The following CENPP variants were observed in gnomAD, a reference collection of about 807,000 sequenced individuals.
CENPP encodes centromere protein P.
Under a neutral mutation model 35.6 loss-of-function variants are expected in CENPP, and 24 were observed. The ratio of observed to expected loss-of-function variants is 0.67; its 90% CI spans 0.49 to 0.95. CENPP has a LOEUF of 0.95. Among genes scored for constraint, CENPP ranks in the 40% least tolerant of loss-of-function variants. The pLI is 0.00. For synonymous variants in CENPP, 120 were observed against 125.5 expected, an observed-to-expected ratio of 0.96 and a Z score of 0.29; for missense variants, 332 against 345.3, an observed-to-expected ratio of 0.96 and a Z score of 0.31.
intron 5 of CENPP, among the ~76,000 whole-genome samples, chr9:92,497,739 G>A (rs1846432459): frequency 6.6e-6 from 1 of 151,802 alleles, no homozygotes; most frequent in African/African-American, 2.4e-5. Flanking sequence ...TTGATCCCCA[G>A]TGTTGGAGGT....
chr9:92,587,694 A>C (rs1231662912), intron 5 of CENPP, among the ~76,000 whole-genome samples: 2 of 152,230 alleles, frequency 1.3e-5, no homozygotes, highest in Non-Finnish European at 2.9e-5. Context: ...TGTTGGGGCC[A>C]AGGGAGGCAG....
At chr9:92,450,557 C>T (rs1323824207) in intron 5 of CENPP, among the ~76,000 whole-genome samples, 6 of 152,108 alleles carry the variant, frequency 3.9e-5, no homozygotes, top group South Asian at 4.2e-4. Context: ...AATAAACATA[C>T]GTGTGCATGT....
At chr9:92,535,397 A>G (rs1280147383) in intron 5 of CENPP, among the ~76,000 whole-genome samples, 2 of 152,182 alleles carry the variant, frequency 1.3e-5, no homozygotes, top group Non-Finnish European at 2.9e-5. Flanking sequence ...CAATCATAGT[A>G]TCATTTTTAT....
intron 5 of CENPP, chr9:92,512,100 C>CATT: frequency 6.2e-7 from 1 of 1,613,748 alleles, no homozygotes; most frequent in Non-Finnish European, 8.5e-7. Flanking sequence ...TTAAATGCTT[C>CATT]ATCTGGGATG....
chr9:92,396,836 ATCTTTTATATCTATT>A (rs1842912145), intron 5 of CENPP, among the ~76,000 whole-genome samples: 1 of 152,000 alleles, frequency 6.6e-6, no homozygotes, highest in African/African-American at 2.4e-5. Flanking sequence ...TCCCATAAAC[ATCTTTTATATCTATT>A]TCTTTTATAT....
chr9:92,415,431 G>A, intron 5 of CENPP: 3 of 1,613,060 alleles, frequency 1.9e-6, no homozygotes, highest in Non-Finnish European at 2.5e-6. Context: ...TTAAATGGTG[G>A]TAATGTAGTG....
intron 4 of CENPP, among the ~76,000 whole-genome samples, chr9:92,353,801 G>T (rs996888509): frequency 2.6e-5 from 4 of 152,130 alleles, no homozygotes; most frequent in Non-Finnish European, 5.9e-5. Context: ...TTGGTGAGTG[G>T]TGCCACTTCA....
rs931364890 is a variant in CENPP at position 92,563,314 on chromosome 9, T to C, written c.565-48000T>C. Among the ~76,000 whole-genome samples, 13 of 152,340 alleles carry C rather than the reference T, an allele frequency of 8.5e-5. No individual in the cohort carries two copies. In the South Asian group the frequency reaches 2.7e-3, roughly 32 times the overall value. On this transcript the variant is annotated intron_variant, in intron 5 of 7. Coordinates refer to ENST00000375587, the MANE Select transcript of CENPP (RefSeq NM_001012267.3). ...ACTTACCCTGCTACACCAGGACTCA[T>C]TTCTCTCTGCTTTACGTTATGAATG...
At chr9:92,442,885 C>T (rs746094964) in intron 5 of CENPP, among the ~76,000 whole-genome samples, 31 of 151,628 alleles carry the variant, frequency 2.0e-4, no homozygotes, top group Non-Finnish European at 3.5e-4. Context: ...TTAAATACAC[C>T]ATTATGATGA....
chr9:92,470,042 T>C (rs1265964708), intron 5 of CENPP, among the ~76,000 whole-genome samples: 3 of 152,192 alleles, frequency 2.0e-5, no homozygotes, highest in Non-Finnish European at 4.4e-5. Context: ...TTGCCCAGGC[T>C]GATCTCGAAC....
At chr9:92,412,090 A>T (rs10761157) in intron 5 of CENPP, among the ~76,000 whole-genome samples, 124,108 of 150,184 alleles carry the variant, frequency 0.83, 51,431 homozygotes, top group East Asian at 0.91. Context: ...TTAATTAATT[A>T]ATTTATTTAT....
chr9:92,367,189 CAG>C (rs1172756167), intron 4 of CENPP, among the ~76,000 whole-genome samples: 1 of 152,040 alleles, frequency 6.6e-6, no homozygotes, highest in African/African-American at 2.4e-5. Context: ...TTTTTTGAGA[CAG>C]AGTCTCACTC....
At chr9:92,432,095 C>A (rs1431492745) in intron 5 of CENPP, among the ~76,000 whole-genome samples, 1 of 152,042 alleles carries the variant, frequency 6.6e-6, no homozygotes, top group African/African-American at 2.4e-5. Flanking sequence ...GAAGCTGAGG[C>A]GGTTGGATCA....
chr9:92,496,011 G>T (rs1375349261), intron 5 of CENPP: 1 of 1,004,576 alleles, frequency 1.0e-6, no homozygotes, highest in Non-Finnish European at 1.2e-6. Context: ...GATTATAAAG[G>T]CTGTGTTTAT....
intron 5 of CENPP, among the ~76,000 whole-genome samples, chr9:92,547,190 G>C (rs532099875): frequency 6.6e-6 from 1 of 152,160 alleles, no homozygotes; most frequent in Non-Finnish European, 1.5e-5. Flanking sequence ...ACAGCCATTA[G>C]TGTTTTAAAA....
intron 5 of CENPP, chr9:92,460,710 C>T: frequency 3.5e-6 from 2 of 575,270 alleles, no homozygotes; most frequent in South Asian, 4.3e-5. Context: ...GAGTTTCACT[C>T]TTGTTGCCCA....
Position 92,336,307 on chromosome 9 carries a change from C to T in CENPP, c.290-1234C>T, listed in dbSNP as rs141073721. On this transcript the variant is annotated intron_variant, in intron 2 of 7. Transcript: ENST00000375587. ...GTACCATTCTGTCTTTTTTTCCTAA[C>T]TACTTATTGAACAAATCTTTAACCA... Among the ~76,000 whole-genome samples the T allele has an allele frequency of 4.7e-4, 72 of 152,226 alleles. No homozygotes were observed. In the South Asian group the frequency reaches 0.015, roughly 31 times the overall value.
chr9:92,532,025 T>TTGTTTTTTTTG (rs1848816152), intron 5 of CENPP, among the ~76,000 whole-genome samples: 3 of 125,810 alleles, frequency 2.4e-5, no homozygotes, highest in Admixed American at 2.3e-4. Flanking sequence ...GTTTTTTTTT[T>TTGTTTTTTTTG]TTTATTTTAT....
intron 3 of CENPP, among the ~76,000 whole-genome samples, chr9:92,342,409 T>C (rs1385286737): frequency 6.6e-6 from 1 of 152,234 alleles, no homozygotes; most frequent in Non-Finnish European, 1.5e-5. Flanking sequence ...TTGAAGGACA[T>C]AGAACCTAGT....
Sources: gnomAD v4.1 joint callset for allele counts (sites outside exome capture counted in the v4.1 genomes callset) on GRCh38, gnomAD v4.1.1 for gene constraint, MANE v1.5 for transcripts, NCBI Gene and HGNC (gene_info 2026-07-23, HGNC 2026-07-21) for gene names.